Variants in AHI1 observed in about 807,000 individuals in gnomAD.
AHI1 encodes jouberin.
In AHI1, 123 loss-of-function variants were observed where a neutral mutation model predicts 149.3. The observed-to-expected ratio is 0.82, with a 90% CI of 0.71 to 0.96. AHI1 has a LOEUF of 0.96. Ranked by LOEUF, AHI1 falls within the 40% of genes least tolerant of loss-of-function variation. The pLI is 0.00. For synonymous variants in AHI1, 475 were observed against 459.8 expected, an observed-to-expected ratio of 1.03 and a Z score of -0.42; for missense variants, 1,439 against 1,422.7, an observed-to-expected ratio of 1.01 and a Z score of -0.18.
At chr6:135,416,485 T>C (rs1048446623) in intron 20 of AHI1, among the ~76,000 whole-genome samples, 41 of 152,006 alleles carry the variant, frequency 2.7e-4, no homozygotes, top group African/African-American at 9.6e-4. Flanking sequence ...GATATAACAG[T>C]ATAATTGTGC....
At chr6:135,317,535 C>G (rs536157423) in intron 26 of AHI1, among the ~76,000 whole-genome samples, 1 of 150,934 alleles carries the variant, frequency 6.6e-6, no homozygotes, top group Non-Finnish European at 1.5e-5. Flanking sequence ...ATTTAAGAGG[C>G]TTTCTTTGTA....
chr6:135,318,881 G>A (rs902403634), intron 25 of AHI1, among the ~76,000 whole-genome samples: 13 of 152,178 alleles, frequency 8.5e-5, no homozygotes, highest in Non-Finnish European at 1.2e-4. Flanking sequence ...TGGTCAGACA[G>A]ATGCTTATTT....
At chr6:135,465,465 A>C (rs945574509) in intron 7 of AHI1, among the ~76,000 whole-genome samples, 1 of 152,184 alleles carries the variant, frequency 6.6e-6, no homozygotes, top group Middle Eastern at 3.2e-3. Context: ...AAGGGGAAGT[A>C]ATTAGGTTTC....
rs1485043386 is a variant in AHI1 at position 135,481,609 on chromosome 6, G to A, written c.135+9014C>T. On this transcript the variant is annotated intron_variant, in intron 5 of 28. Transcript: ENST00000265602. ...GCTTTTATAAAATATCTTTTAAAGA[G>A]ATTTTTAAGTAAGAGAAAAATCCTT... is the stretch of plus-strand genomic sequence containing the variant. 4.9e-4 allele frequency among the ~76,000 whole-genome samples: 74 copies of A among 151,044 alleles called. 2 individuals are homozygous for A. The highest frequency in any genetic ancestry group is 4.9e-3 in the Admixed American group (74 of 15,190).
At chr6:135,351,673 A>G (rs1792136664) in intron 24 of AHI1, among the ~76,000 whole-genome samples, 1 of 152,248 alleles carries the variant, frequency 6.6e-6, no homozygotes, top group Non-Finnish European at 1.5e-5. Flanking sequence ...GAAAAGTAGC[A>G]GAAGGGTTTC....
At chr6:135,396,861 C>T (rs1779291362) in intron 22 of AHI1, among the ~76,000 whole-genome samples, 1 of 151,494 alleles carries the variant, frequency 6.6e-6, no homozygotes, top group Admixed American at 6.6e-5. Context: ...ATAGATATAT[C>T]TATAGATACA....
At chr6:135,361,645 T>TCATACA (rs1491096161) in intron 23 of AHI1, among the ~76,000 whole-genome samples, 21 of 133,902 alleles carry the variant, frequency 1.6e-4, no homozygotes, top group African/African-American at 5.2e-4. Flanking sequence ...AGGTATGGTT[T>TCATACA]CACACACACA....
In AHI1 at chr6:135,284,877, C is replaced by A. The variant is rs1413779325; in HGVS notation, c.*768G>T. ...TTGAATGCGCCATATTCTAAAGCTG[C>A]TTATCTTTTTTGTTTTTTGGAGATA... On this transcript the variant is annotated 3_prime_UTR_variant, in exon 29 of 29. Transcript: ENST00000265602. 1 of 152,048 alleles carries A rather than the reference C, an allele frequency of 6.6e-6. No homozygotes were observed. Among genetic ancestry groups the A allele is most frequent in the African/African-American group, 2.4e-5 (1 of 41,382 alleles). 9.4% of individuals were successfully genotyped at this position (152,048 alleles called of 1,614,324 possible).
At chr6:135,386,465 C>T (rs778289730) in intron 23 of AHI1, among the ~76,000 whole-genome samples, 1 of 151,940 alleles carries the variant, frequency 6.6e-6, no homozygotes, top group Admixed American at 6.5e-5. Context: ...CACCTGCCAC[C>T]GTGCCCAGCT....
In AHI1 at chr6:135,442,645, A is replaced by G. The variant is rs769173709; in HGVS notation, c.1849T>C (p.Phe617Leu). The G allele has an allele frequency of 6.2e-7, 1 of 1,610,690 alleles. No individual in the cohort carries two copies. Among genetic ancestry groups the G allele is most frequent in the South Asian group, 1.1e-5 (1 of 90,408 alleles). ...AGERGCFCLD[F>L]SHNGRILAAA... is the part of the protein sequence containing the mutation. ...GCTAATATTCTTCCATTGTGGGAGA[A>G]ATCAAGACAAAAACATCCTCGTTCT... The change falls in exon 14 of 29, where the codon TTC becomes CTC. Residue 617 changes from phenylalanine to leucine, a missense_variant. By Grantham distance (22) the Phe-to-Leu change is conservative. Transcript: ENST00000265602.
chr6:135,434,806 A>G (rs555813690), intron 15 of AHI1, among the ~76,000 whole-genome samples: 1 of 152,252 alleles, frequency 6.6e-6, no homozygotes, highest in East Asian at 1.9e-4. Context: ...GAAAAAACAT[A>G]AAGTTAAGCC....
chr6:135,423,638 A>G (rs186331290), intron 20 of AHI1, among the ~76,000 whole-genome samples: 1 of 152,292 alleles, frequency 6.6e-6, no homozygotes, highest in Admixed American at 6.5e-5. Flanking sequence ...ACAAAGGACT[A>G]GAAAAAAGAA....
Position 135,455,945 on chromosome 6 carries a change from T to C in AHI1, c.1152-19A>G. The C allele has an allele frequency of 5.9e-6, 8 of 1,366,468 alleles. No individual in the cohort carries two copies. Among genetic ancestry groups the C allele is most frequent in the Non-Finnish European group, 6.7e-6 (7 of 1,044,820 alleles). The allele number at this position is 1,366,468 out of a possible 1,614,324, so 84.6% of individuals were successfully genotyped here. The stretch of plus-strand genomic sequence containing the variant: ...CCGTCCACTGTACAAAAAAAGATAC[T>C]TCCATTAACACAATTTTCATAATTT... On this transcript the variant is annotated intron_variant, in intron 9 of 28. Transcript: ENST00000265602.
intron 5 of AHI1, among the ~76,000 whole-genome samples, chr6:135,467,999 A>T (rs756008114): frequency 2.0e-5 from 3 of 152,336 alleles, no homozygotes; most frequent in Non-Finnish European, 2.9e-5. Flanking sequence ...AACAATACAT[A>T]CTGGGGTTTG....
Position 135,343,081 on chromosome 6 carries a change from T to C in AHI1, c.3165+15051A>G, listed in dbSNP as rs114843325. 6.0e-3 allele frequency among the ~76,000 whole-genome samples: 913 copies of C among 151,780 alleles called. 13 individuals are homozygous for C. Among genetic ancestry groups the C allele is most frequent in the African/African-American group, 0.021 (868 of 41,478 alleles). On this transcript the variant is annotated intron_variant, in intron 24 of 28. Transcript: ENST00000265602. ...CAAACCCCAGAAAAACCTGTTAGAA[T>C]ATACAGATTCAAAAAGGTCTCAGGA...
chr6:135,321,391 C>A (rs1786803130), intron 25 of AHI1, among the ~76,000 whole-genome samples: 1 of 152,104 alleles, frequency 6.6e-6, no homozygotes, highest in African/African-American at 2.4e-5. Flanking sequence ...TTTTGAGACA[C>A]ATAGAACTTT....
chr6:135,309,065 A>G (rs1784845363), intron 26 of AHI1, among the ~76,000 whole-genome samples: 1 of 152,250 alleles, frequency 6.6e-6, no homozygotes, highest in African/African-American at 2.4e-5. Context: ...TGGCAGAGGC[A>G]CAGGTGGAAA....
chr6:135,462,808 G>C (rs569727126), intron 8 of AHI1, among the ~76,000 whole-genome samples: 26 of 152,188 alleles, frequency 1.7e-4, no homozygotes, highest in African/African-American at 6.3e-4. Flanking sequence ...GGCCGAGGCA[G>C]GAGAATCGCT....
At chr6:135,369,905 C>T (rs1183057182) in intron 23 of AHI1, among the ~76,000 whole-genome samples, 1 of 152,076 alleles carries the variant, frequency 6.6e-6, no homozygotes, top group African/African-American at 2.4e-5. Context: ...CCATGAAATT[C>T]TCCATCTTTG....
Sources: allele counts gnomAD v4.1 joint callset (sites outside exome capture counted in the v4.1 genomes callset), GRCh38; gene constraint gnomAD v4.1.1; transcripts MANE v1.5; gene names NCBI Gene and HGNC (gene_info 2026-07-23, HGNC 2026-07-21).